Variants in PSD3 observed in about 807,000 individuals in gnomAD.
PSD3 encodes the protein PH and SEC7 domain-containing protein 3.
Under a neutral mutation model 105.5 loss-of-function variants are expected in PSD3, and 49 were observed. That is an observed-to-expected ratio of 0.46 (90% CI 0.37 to 0.59). The LOEUF (loss-of-function observed/expected upper bound fraction) is 0.59, where lower values mean the gene tolerates loss of function less well. Ranked by LOEUF, PSD3 falls within the 20% of genes least tolerant of loss-of-function variation. PSD3 has a pLI of 0.00. For missense variants in PSD3, 1,561 were observed against 1,263.8 expected (o/e 1.24, Z -3.57); for synonymous variants, 557 against 457.8 (o/e 1.22, Z -2.77).
intron 2 of PSD3, among the ~76,000 whole-genome samples, chr8:18,906,836 A>G (rs1819881544): frequency 6.6e-6 from 1 of 152,200 alleles, no homozygotes; most frequent in Admixed American, 6.5e-5. Context: ...AATTATATAC[A>G]TACACGTAAG....
intron 4 of PSD3, among the ~76,000 whole-genome samples, chr8:18,809,530 CA>C (rs1811509442): frequency 6.6e-6 from 1 of 152,184 alleles, no homozygotes; most frequent in South Asian, 2.1e-4. Context: ...CATCAAAAAA[CA>C]GTGTCTAGTG....
At chr8:18,765,824 T>G (rs555164462) in intron 8 of PSD3, among the ~76,000 whole-genome samples, 1 of 151,980 alleles carries the variant, frequency 6.6e-6, no homozygotes, top group South Asian at 2.1e-4. Flanking sequence ...AAGAATTAGT[T>G]TGGCATGGTG....
chr8:18,570,788 T>C (rs1454569059), intron 14 of PSD3, among the ~76,000 whole-genome samples: 1 of 151,890 alleles, frequency 6.6e-6, no homozygotes, highest in Non-Finnish European at 1.5e-5. Flanking sequence ...TCTCATATTG[T>C]AATGAGAATA....
At chr8:19,078,987 A>T (rs779077905) in intron 1 of PSD3, among the ~76,000 whole-genome samples, 14 of 151,910 alleles carry the variant, frequency 9.2e-5, no homozygotes, top group Non-Finnish European at 1.3e-4. Flanking sequence ...GCTTTTCAAC[A>T]TGTTGCAAGG....
In PSD3 at chr8:19,074,601, ATATATATATATTTTT is replaced by A. The variant is rs1383151337; in HGVS notation, c.324+9590_324+9604del. Among the ~76,000 whole-genome samples the A allele has an allele frequency of 6.9e-3, 377 of 54,784 alleles. 20 individuals are homozygous for A. The highest frequency in any genetic ancestry group is 0.011 in the African/African-American group (210 of 18,446). 35.9% of individuals were successfully genotyped at this position (54,784 alleles called of 152,430 possible). On this transcript the variant is annotated intron_variant, in intron 1 of 1. Coordinates refer to the PSD3 transcript ENST00000521475. ...ACAACTCAGATATATACATATATAT[ATATATATATATTTTT>A]TTTTTTTTTTTTTTTTTTTTTTGAG...
At chr8:18,981,657 T>TCA (rs147443174) in intron 1 of PSD3, among the ~76,000 whole-genome samples, 61,016 of 151,884 alleles carry the variant, frequency 0.4, 14,059 homozygotes, top group Non-Finnish European at 0.53. Context: ...ATAAAGTGAA[T>TCA]CACTCCAGTG....
At position 18,930,536 on chromosome 8, in the gene PSD3, C is replaced by T. The variant is rs1439003651; in HGVS notation, c.130+5498G>A. 2.0e-5 allele frequency among the ~76,000 whole-genome samples: 3 copies of T among 151,294 alleles called. 1 individual carries two copies. The highest frequency in any genetic ancestry group is 1.3e-4 in the Admixed American group (2 of 15,140). Reference sequence around the variant, plus strand: ...AATGGAATGGCCTAGTGGTACAGAACGTATATCTTTAACTTCTTAACTAAC... The same window carrying T: ...AATGGAATGGCCTAGTGGTACAGAATGTATATCTTTAACTTCTTAACTAAC... On this transcript the variant is annotated intron_variant, in intron 2 of 15. Coordinates refer to ENST00000327040, the MANE Select transcript of PSD3 (RefSeq NM_015310.4).
intron 1 of PSD3, among the ~76,000 whole-genome samples, chr8:19,081,360 A>G (rs1829640106): frequency 1.3e-5 from 2 of 152,228 alleles, no homozygotes; most frequent in Admixed American, 1.3e-4. Context: ...ACCAGGCCTC[A>G]GGAAATGTAG....
At chr8:19,036,455 A>G (rs1311259459) in intron 1 of PSD3, among the ~76,000 whole-genome samples, 1 of 152,148 alleles carries the variant, frequency 6.6e-6, no homozygotes. Context: ...ATATCATACA[A>G]TTTAGAAGCA....
At chr8:19,028,186 T>C (rs1199815250) in intron 1 of PSD3, among the ~76,000 whole-genome samples, 1 of 152,032 alleles carries the variant, frequency 6.6e-6, no homozygotes, top group Non-Finnish European at 1.5e-5. Flanking sequence ...TGATAAATGA[T>C]ACTGAGCATC....
At chr8:18,951,779 G>T (rs1348908859) in intron 1 of PSD3, among the ~76,000 whole-genome samples, 1 of 152,078 alleles carries the variant, frequency 6.6e-6, no homozygotes, top group African/African-American at 2.4e-5. Context: ...GAGGTCAGGA[G>T]TTCGAGACCA....
intron 1 of PSD3, among the ~76,000 whole-genome samples, chr8:18,997,025 C>T (rs1826117418): frequency 6.6e-6 from 1 of 151,924 alleles, no homozygotes; most frequent in African/African-American, 2.4e-5. Context: ...TTCCTTCATT[C>T]TCCTTTATTG....
At chr8:18,814,630 T>C (rs1351340574) in intron 4 of PSD3, among the ~76,000 whole-genome samples, 4 of 152,352 alleles carry the variant, frequency 2.6e-5, no homozygotes, top group Admixed American at 2.6e-4. Context: ...AAAGAAACTC[T>C]TACTGGATAT....
intron 15 of PSD3, among the ~76,000 whole-genome samples, chr8:18,548,239 T>G (rs921613463): frequency 6.6e-6 from 1 of 152,184 alleles, no homozygotes; most frequent in Admixed American, 6.5e-5. Context: ...ACTCTTGTAT[T>G]CTTATCTTTG....
chr8:18,754,577 G>A (rs1484863004), intron 9 of PSD3, among the ~76,000 whole-genome samples: 1 of 151,978 alleles, frequency 6.6e-6, no homozygotes, highest in Admixed American at 6.6e-5. Flanking sequence ...ATTATGATAT[G>A]CCAGGGGGAG....
chr8:18,562,912 AG>A (rs1801487724), intron 14 of PSD3, among the ~76,000 whole-genome samples: 2 of 17,616 alleles, frequency 1.1e-4, no homozygotes, highest in African/African-American at 2.1e-4. Context: ...AAAAAGAAAA[AG>A]AAAAAGAAAA....
chr8:18,668,622 T>C (rs887021931), intron 9 of PSD3, among the ~76,000 whole-genome samples: 5 of 152,210 alleles, frequency 3.3e-5, no homozygotes, highest in African/African-American at 1.2e-4. Context: ...TCCTAAGCCA[T>C]AGTCTCTGCT....
chr8:18,735,790 A>G (rs957447512), intron 9 of PSD3, among the ~76,000 whole-genome samples: 1 of 152,332 alleles, frequency 6.6e-6, no homozygotes. Context: ...AGTTCTTCAA[A>G]TAATTTTTCA....
chr8:18,795,960 TAGA>T (rs1242472694), intron 8 of PSD3, among the ~76,000 whole-genome samples: 1 of 152,204 alleles, frequency 6.6e-6, no homozygotes, highest in Non-Finnish European at 1.5e-5. Context: ...TCTGTATGTG[TAGA>T]AGTTTAATTT....
Sources: allele counts gnomAD v4.1 joint callset (sites outside exome capture counted in the v4.1 genomes callset), GRCh38; gene constraint gnomAD v4.1.1; transcripts MANE v1.5; gene names NCBI Gene and HGNC (gene_info 2026-07-23, HGNC 2026-07-21).